GULP1: variants seen among roughly 807,000 people sequenced by gnomAD.
GULP1 encodes PTB domain-containing engulfment adapter protein 1.
In GULP1, 19 loss-of-function variants were observed where a neutral mutation model predicts 40.9. That is an observed-to-expected ratio of 0.46 (90% CI 0.32 to 0.68). The LOEUF is 0.68. Ranked by LOEUF, GULP1 falls within the 30% of genes least tolerant of loss-of-function variation. GULP1 has a pLI of 0.03. For synonymous variants in GULP1, 119 were observed against 117.6 expected (o/e 1.01, Z -0.08); for missense variants, 312 against 362.2 (o/e 0.86, Z 1.12).
At chr2:188,321,764 C>G (rs1362117072) in intron 1 of GULP1, among the ~76,000 whole-genome samples, 1 of 151,936 alleles carries the variant, frequency 6.6e-6, no homozygotes, top group Non-Finnish European at 1.5e-5. Context: ...CACCTGTAAT[C>G]CCAGCACTTT....
At chr2:188,553,328 T>C (rs1247308560) in intron 7 of GULP1, among the ~76,000 whole-genome samples, 1 of 151,762 alleles carries the variant, frequency 6.6e-6, no homozygotes, top group African/African-American at 2.4e-5. Flanking sequence ...TGTTATTTTA[T>C]GGTATGTTTC....
chr2:188,299,517 CT>C (rs1419265615), intron 1 of GULP1, among the ~76,000 whole-genome samples: 2 of 152,194 alleles, frequency 1.3e-5, no homozygotes, highest in Non-Finnish European at 2.9e-5. Flanking sequence ...TCTTTCCCCC[CT>C]TCTCATTCTG....
intron 9 of GULP1, among the ~76,000 whole-genome samples, chr2:188,575,231 A>C (rs1467241055): frequency 1.3e-5 from 2 of 152,148 alleles, no homozygotes; most frequent in Non-Finnish European, 2.9e-5. Flanking sequence ...GTTACAATGC[A>C]TATCACTTTA....
chr2:188,414,429 T>C (rs2054319286), intron 2 of GULP1, among the ~76,000 whole-genome samples: 1 of 152,212 alleles, frequency 6.6e-6, no homozygotes. Flanking sequence ...TTTTATGATT[T>C]ATTAGTATGA....
chr2:188,432,673 G>T (rs537195882), intron 2 of GULP1, among the ~76,000 whole-genome samples: 1 of 151,998 alleles, frequency 6.6e-6, no homozygotes, highest in Admixed American at 6.6e-5. Flanking sequence ...AGAAAAAAAT[G>T]TATATTGATG....
chr2:188,403,081 A>C (rs1249137980), intron 2 of GULP1, among the ~76,000 whole-genome samples: 2 of 152,020 alleles, frequency 1.3e-5, no homozygotes, highest in Non-Finnish European at 2.9e-5. Flanking sequence ...AATGTCAAAC[A>C]CCTAGTCAGT....
chr2:188,546,292 G>A (rs1325693097), intron 7 of GULP1, among the ~76,000 whole-genome samples: 1 of 151,892 alleles, frequency 6.6e-6, no homozygotes, highest in Non-Finnish European at 1.5e-5. Flanking sequence ...AGTGTTTGAG[G>A]AAGATGTACC....
intron 4 of GULP1, among the ~76,000 whole-genome samples, chr2:188,515,883 T>C (rs141930578): frequency 0.01 from 1,541 of 152,332 alleles, 35 homozygotes; most frequent in African/African-American, 0.035. Flanking sequence ...TCTGGGGGCT[T>C]AATTTCATTT....
chr2:188,586,388 C>G (rs1353783428), intron 10 of GULP1, among the ~76,000 whole-genome samples: 1 of 152,134 alleles, frequency 6.6e-6, no homozygotes, highest in African/African-American at 2.4e-5. Context: ...CATTTTTTAA[C>G]AAACACCTAC....
At chr2:188,524,950 AG>A (rs1282809630) in intron 5 of GULP1, among the ~76,000 whole-genome samples, 3 of 151,956 alleles carry the variant, frequency 2.0e-5, no homozygotes, top group African/African-American at 7.2e-5. Context: ...ATATTAAAAA[AG>A]AATTTAAAAT....
rs541200615 is a variant in GULP1, at chr2:188,562,285, G to T, written c.400-6954G>T. On this transcript the variant is annotated intron_variant, in intron 7 of 11. Coordinates refer to ENST00000409830, the MANE Select transcript of GULP1 (RefSeq NM_016315.4). ...CATTGAGGGGCTGTCCCTTGACCAG[G>T]GTTGCATGATTCCATGATGCAGATG... Among the ~76,000 whole-genome samples, 14 of 152,168 alleles carry T rather than the reference G, an allele frequency of 9.2e-5. No individual in the cohort carries two copies. In the East Asian group the frequency reaches 2.5e-3, roughly 27 times the overall value.
chr2:188,404,816 G>C (rs182594019), intron 2 of GULP1, among the ~76,000 whole-genome samples: 1 of 151,910 alleles, frequency 6.6e-6, no homozygotes, highest in East Asian at 2.0e-4. Context: ...GCCCACCCTA[G>C]GTTCCAGACC....
intron 2 of GULP1, among the ~76,000 whole-genome samples, chr2:188,384,849 T>A (rs1263471253): frequency 6.6e-6 from 1 of 152,208 alleles, no homozygotes; most frequent in Non-Finnish European, 1.5e-5. Flanking sequence ...CCTTTGATGC[T>A]ATGTCTCACA....
At chr2:188,533,245 G>A (rs1688035462) in intron 6 of GULP1, among the ~76,000 whole-genome samples, 1 of 152,108 alleles carries the variant, frequency 6.6e-6, no homozygotes, top group Non-Finnish European at 1.5e-5. Context: ...AAACCAAAGT[G>A]AATAGGGTCA....
intron 3 of GULP1, among the ~76,000 whole-genome samples, chr2:188,482,265 A>G (rs192734549): frequency 1.3e-5 from 2 of 152,078 alleles, no homozygotes; most frequent in Admixed American, 6.6e-5. Flanking sequence ...CATTTTCTCT[A>G]TGTCTTCACA....
At chr2:188,374,411 A>G (rs997561562) in intron 1 of GULP1, among the ~76,000 whole-genome samples, 3 of 152,172 alleles carry the variant, frequency 2.0e-5, no homozygotes, top group South Asian at 4.1e-4. Flanking sequence ...TGGTTACTAT[A>G]GTAGAAAGTT....
intron 1 of GULP1, among the ~76,000 whole-genome samples, chr2:188,306,992 C>A (rs144309896): frequency 6.6e-6 from 1 of 152,032 alleles, no homozygotes; most frequent in Admixed American, 6.6e-5. Context: ...AGGAGAATGG[C>A]GTAAATCTGG....
chr2:188,308,140 A>G (rs1455202107), intron 1 of GULP1, among the ~76,000 whole-genome samples: 1 of 63,978 alleles, frequency 1.6e-5, no homozygotes, highest in East Asian at 8.5e-4. Flanking sequence ...GGTGGCCTGC[A>G]TTAGCATCCA....
At chr2:188,551,827 G>A (rs75739710) in intron 7 of GULP1, among the ~76,000 whole-genome samples, 3,187 of 151,500 alleles carry the variant, frequency 0.021, 103 homozygotes, top group African/African-American at 0.073. Flanking sequence ...CCACATCCTC[G>A]CCAACCTCTG....
Sources: allele counts gnomAD v4.1 joint callset (sites outside exome capture counted in the v4.1 genomes callset), GRCh38; gene constraint gnomAD v4.1.1; transcripts MANE v1.5; gene names NCBI Gene and HGNC (gene_info 2026-07-23, HGNC 2026-07-21).